GGA2: variants seen among roughly 807,000 people sequenced by gnomAD.
GGA2 encodes golgi associated, gamma adaptin ear containing, ARF binding protein 2.
Under a neutral mutation model 79.5 loss-of-function variants are expected in GGA2, and 48 were observed. The observed-to-expected ratio is 0.60, with a 90% confidence interval of 0.48 to 0.77. GGA2 has a LOEUF of 0.77. Among genes scored for constraint, GGA2 ranks in the 30% least tolerant of loss-of-function variants. The pLI, the probability that GGA2 is intolerant of heterozygous loss-of-function variation, is 0.00. For missense variants in GGA2, 770 were observed against 774.0 expected, an observed-to-expected ratio of 0.99 and a Z score of 0.06; for synonymous variants, 317 against 302.0, an observed-to-expected ratio of 1.05 and a Z score of -0.51.
chr16:23,503,838 T>C (rs369054068), intron 1 of GGA2, among the ~76,000 whole-genome samples: 3 of 152,296 alleles, frequency 2.0e-5, no homozygotes, highest in African/African-American at 7.2e-5. Flanking sequence ...TCCCAGCATT[T>C]TGGGAGGCCA....
At chr16:23,486,181 G>A (rs1363821270) in intron 7 of GGA2, 29 bp from the exon 8 acceptor site, 4 of 1,610,538 alleles carry the variant, frequency 2.5e-6, no homozygotes, top group Non-Finnish European at 3.4e-6. Context: ...GGATGGGAGT[G>A]AGGGAGCAGA....
chr16:23,493,755 A>C, intron 3 of GGA2: 1 of 362,932 alleles, frequency 2.8e-6, no homozygotes, highest in Non-Finnish European at 5.1e-6. Context: ...GAAAGTGGCT[A>C]AAGAACCAAC....
At chr16:23,484,246 TA>T (rs575473263) in intron 8 of GGA2, among the ~76,000 whole-genome samples, 608 of 138,042 alleles carry the variant, frequency 4.4e-3, no homozygotes, top group African/African-American at 4.8e-3. Flanking sequence ...TGTCTCTACT[TA>T]AAAAAAAAAA....
At position 23,482,966 on chromosome 16, in the gene GGA2, C is replaced by G; in HGVS notation, c.837G>C (p.Leu279=). 3 of 1,612,888 alleles carry G rather than the reference C, an allele frequency of 1.9e-6. No homozygotes were observed. The highest frequency in any genetic ancestry group is 2.5e-6 in the Non-Finnish European group (3 of 1,178,824). Reference sequence around the variant, plus strand: ...CAGTGGTGTCACTCGCCAACCGGAACAGCGTGGGCCGCAGCTTTTCACACC... The same window carrying G: ...CAGTGGTGTCACTCGCCAACCGGAAGAGCGTGGGCCGCAGCTTTTCACACC... ...YERCEKLRPT[L]FRLASDTTDD... The change falls in exon 9 of 17, where the codon CTG becomes CTC. Residue 279 remains leucine (L), a synonymous_variant. Transcript: ENST00000309859.
At chr16:23,502,886 T>C (rs1259846017) in intron 1 of GGA2, among the ~76,000 whole-genome samples, 1 of 152,218 alleles carries the variant, frequency 6.6e-6, no homozygotes, top group Non-Finnish European at 1.5e-5. Flanking sequence ...AGACTTTCTT[T>C]TTTTCTTACA....
upstream of GGA2, among the ~76,000 whole-genome samples, chr16:23,514,255 C>T (rs913441207): frequency 2.0e-5 from 3 of 151,832 alleles, no homozygotes; most frequent in Non-Finnish European, 2.9e-5. Context: ...ACAGGCACCC[C>T]GCCACCATGC....
rs1000997231 is a variant in GGA2, at chr16:23,469,168, T to C, written c.1621-172A>G. The stretch of plus-strand genomic sequence containing the variant: ...GCCCAAGCAGACAGACTCCCACTAA[T>C]TGATAAAAGGATCTAAGAGGCCTTT... On this transcript the variant is annotated intron_variant, in intron 15 of 16. Coordinates refer to ENST00000309859, the MANE Select transcript of GGA2 (RefSeq NM_015044.4). The C allele has an allele frequency of 1.5e-5, 8 of 537,450 alleles. 1 individual carries two copies. Among genetic ancestry groups the C allele is most frequent in the Admixed American group, 1.2e-4 (4 of 33,780 alleles). 33.3% of individuals were successfully genotyped at this position (537,450 alleles called of 1,614,324 possible).
At chr16:23,486,849 AAGC>A in intron 6 of GGA2, 59 bp from the exon 7 acceptor site, 1 of 946,198 alleles carries the variant, frequency 1.1e-6, no homozygotes, top group Non-Finnish European at 1.8e-6. Context: ...CCTAGAGCAG[AAGC>A]AGCAGCAACA....
chr16:23,494,595 A>C (rs1001368674), intron 2 of GGA2, among the ~76,000 whole-genome samples: 3 of 152,144 alleles, frequency 2.0e-5, no homozygotes, highest in African/African-American at 7.2e-5. Context: ...CCTCCTGCCC[A>C]GGGCACACTG....
intron 2 of GGA2, 71 bp downstream of exon 2, chr16:23,495,623 T>G: frequency 8.2e-6 from 7 of 850,442 alleles, no homozygotes; most frequent in South Asian, 1.6e-5. Flanking sequence ...AAAACAGTCT[T>G]GAGAGACAAA....
chr16:23,511,906 G>A (rs953634815), upstream of GGA2, among the ~76,000 whole-genome samples: 22 of 152,156 alleles, frequency 1.4e-4, no homozygotes, highest in Admixed American at 4.6e-4. Context: ...CTTTTCGACC[G>A]GGGTGAGAGC....
At chr16:23,486,668 G>T in intron 7 of GGA2, 42 bp downstream of exon 7, 1 of 1,130,274 alleles carries the variant, frequency 8.8e-7, no homozygotes, top group Non-Finnish European at 1.4e-6. Context: ...TTCAGCCTCT[G>T]TCAAATGCTA....
At chr16:23,491,376 A>G (rs2142131247) in intron 5 of GGA2, among the ~76,000 whole-genome samples, 1 of 151,980 alleles carries the variant, frequency 6.6e-6, no homozygotes, top group South Asian at 2.1e-4. Flanking sequence ...AAGATAAATA[A>G]GTGCTTTAGT....
upstream of GGA2, among the ~76,000 whole-genome samples, chr16:23,510,721 T>G (rs893866952): frequency 6.6e-6 from 1 of 152,266 alleles, no homozygotes; most frequent in Non-Finnish European, 1.5e-5. Context: ...TTTTTATTTT[T>G]TAAGAGACGG....
intron 1 of GGA2, among the ~76,000 whole-genome samples, chr16:23,504,404 G>A (rs765794516): frequency 5.3e-5 from 8 of 152,222 alleles, no homozygotes; most frequent in Non-Finnish European, 8.8e-5. Context: ...ACAGGCTCTA[G>A]TACCTAGAAG....
intron 6 of GGA2, among the ~76,000 whole-genome samples, chr16:23,487,563 C>T (rs1964730908): frequency 6.6e-6 from 1 of 152,092 alleles, no homozygotes; most frequent in East Asian, 1.9e-4. Context: ...ATTTCCAGCG[C>T]CCAGCAGGAT....
intron 1 of GGA2, among the ~76,000 whole-genome samples, chr16:23,496,356 G>A (rs1050735708): frequency 1.3e-5 from 2 of 151,442 alleles, no homozygotes; most frequent in African/African-American, 2.4e-5. Context: ...CCCTGAAAGC[G>A]GCTCCACTTT....
intron 1 of GGA2, among the ~76,000 whole-genome samples, chr16:23,507,657 G>A (rs1964988363): frequency 6.8e-6 from 1 of 146,396 alleles, no homozygotes; most frequent in Admixed American, 6.8e-5. Context: ...CAAATTAGCC[G>A]GTTGTGGTGG....
In GGA2 at chr16:23,486,041, C is replaced by A. The variant is rs139929528; in HGVS notation, c.772G>T (p.Ala258Ser). The A allele has an allele frequency of 1.9e-6, 3 of 1,614,198 alleles. No homozygotes were observed. Among genetic ancestry groups the A allele is most frequent in the Non-Finnish European group, 2.5e-6 (3 of 1,180,016 alleles). Residue 258 changes from alanine to serine, a missense_variant, in exon 8 of 17, where the codon GCC (alanine) becomes TCC (serine). By Grantham distance (99) the Ala-to-Ser change is moderately conservative. Transcript: ENST00000309859. ...MLSMYRRPGQ[A>S]PPDQEALQVV... is the part of the protein sequence containing the mutation. The stretch of plus-strand genomic sequence containing the variant: ...TGCAGGGCCTCCTGGTCGGGCGGGG[C>A]CTGCCCTGGCCTGCGGTACATGCTC...
Sources: gnomAD v4.1 joint callset for allele counts (sites outside exome capture counted in the v4.1 genomes callset) on GRCh38, gnomAD v4.1.1 for gene constraint, MANE v1.5 for transcripts, NCBI Gene and HGNC (gene_info 2026-07-23, HGNC 2026-07-21) for gene names.